Variants in CHSY3 observed in about 807,000 individuals in gnomAD.
CHSY3 encodes the protein N-acetylgalactosaminyl-proteoglycan 3-beta-glucuronosyltransferase 3.
In CHSY3, 35 loss-of-function variants were observed where a neutral mutation model predicts 67.2. The ratio of observed to expected loss-of-function variants is 0.52; its 90% CI spans 0.40 to 0.69. The LOEUF is 0.69. Among genes scored for constraint, CHSY3 ranks in the 30% least tolerant of loss-of-function variants. CHSY3 has a pLI of 0.00. For synonymous variants in CHSY3, 474 were observed against 434.7 expected (o/e 1.09, Z -1.12); for missense variants, 1,069 against 1,138.5 (o/e 0.94, Z 0.88).
chr5:129,972,443 T>C (rs1762669750), intron 2 of CHSY3, among the ~76,000 whole-genome samples: 1 of 152,092 alleles, frequency 6.6e-6, no homozygotes, highest in Non-Finnish European at 1.5e-5. Flanking sequence ...TATATGTATG[T>C]ATATGCTATA....
intron 2 of CHSY3, among the ~76,000 whole-genome samples, chr5:130,090,234 G>A (rs1766830566): frequency 6.6e-6 from 1 of 152,102 alleles, no homozygotes; most frequent in South Asian, 2.1e-4. Context: ...GAGGTAATGG[G>A]GCAGAAAAGG....
chr5:129,979,368 T>C (rs1231992169), intron 2 of CHSY3, among the ~76,000 whole-genome samples: 3 of 152,134 alleles, frequency 2.0e-5, no homozygotes, highest in African/African-American at 7.2e-5. Flanking sequence ...TTTTATTTAC[T>C]AAATATTCAC....
At chr5:130,090,909 A>G (rs955848141) in intron 2 of CHSY3, among the ~76,000 whole-genome samples, 1 of 152,174 alleles carries the variant, frequency 6.6e-6, no homozygotes. Context: ...GAAATAAGTG[A>G]AAGAATATGC....
chr5:130,035,293 A>G (rs1764832874), intron 2 of CHSY3, among the ~76,000 whole-genome samples: 2 of 152,102 alleles, frequency 1.3e-5, no homozygotes, highest in Admixed American at 6.6e-5. Context: ...TTTAGAACCC[A>G]TGGGATTTCC....
At chr5:130,025,092 A>G (rs892351110) in intron 2 of CHSY3, among the ~76,000 whole-genome samples, 4 of 151,248 alleles carry the variant, frequency 2.6e-5, no homozygotes, top group Admixed American at 6.6e-5. Context: ...TTTCTCCACT[A>G]TGTAAAACTT....
At chr5:130,166,928 C>T (rs755726714) in intron 2 of CHSY3, among the ~76,000 whole-genome samples, 2 of 152,054 alleles carry the variant, frequency 1.3e-5, no homozygotes, top group Non-Finnish European at 2.9e-5. Context: ...CAATGTAACA[C>T]AATGCTTCAT....
At chr5:130,027,597 A>G (rs1181186141) in intron 2 of CHSY3, among the ~76,000 whole-genome samples, 2 of 151,824 alleles carry the variant, frequency 1.3e-5, no homozygotes, top group Non-Finnish European at 2.9e-5. Flanking sequence ...CATTAGGTAT[A>G]TCTCCTAATG....
At chr5:130,008,704 A>G (rs1392334821) in intron 2 of CHSY3, among the ~76,000 whole-genome samples, 2 of 152,214 alleles carry the variant, frequency 1.3e-5, no homozygotes, top group African/African-American at 2.4e-5. Context: ...TTGAAACCCA[A>G]TCCCAGGAAT....
intron 2 of CHSY3, among the ~76,000 whole-genome samples, chr5:130,113,127 T>C (rs1767641575): frequency 6.6e-6 from 1 of 152,050 alleles, no homozygotes; most frequent in Non-Finnish European, 1.5e-5. Context: ...TGTGTGTATA[T>C]ATATTATATA....
intron 2 of CHSY3, among the ~76,000 whole-genome samples, chr5:129,936,515 C>A (rs763613850): frequency 8.5e-5 from 13 of 152,074 alleles, no homozygotes; most frequent in Non-Finnish European, 1.9e-4. Flanking sequence ...CTCCTTGCTG[C>A]TTCAGTGGTC....
chr5:130,035,033 T>C (rs1764826864), intron 2 of CHSY3, among the ~76,000 whole-genome samples: 1 of 152,046 alleles, frequency 6.6e-6, no homozygotes, highest in African/African-American at 2.4e-5. Context: ...TTCTTTTAAG[T>C]GATTTGAGGA....
At chr5:130,060,264 A>G (rs955037960) in intron 2 of CHSY3, among the ~76,000 whole-genome samples, 1 of 152,226 alleles carries the variant, frequency 6.6e-6, no homozygotes, top group Admixed American at 6.5e-5. Flanking sequence ...TTCAACATCC[A>G]CAAATCAATA....
chr5:130,133,384 T>A (rs1768544905), intron 2 of CHSY3, among the ~76,000 whole-genome samples: 1 of 152,170 alleles, frequency 6.6e-6, no homozygotes, highest in Non-Finnish European at 1.5e-5. Context: ...AATTTATACT[T>A]TTAGCTTTCA....
chr5:129,932,324 T>C (rs1426392927), intron 2 of CHSY3, among the ~76,000 whole-genome samples: 1 of 151,928 alleles, frequency 6.6e-6, no homozygotes, highest in Non-Finnish European at 1.5e-5. Flanking sequence ...GACCATCTTC[T>C]TCTTCTTCAG....
chr5:129,955,124 C>T (rs572161667), intron 2 of CHSY3, among the ~76,000 whole-genome samples: 2 of 152,238 alleles, frequency 1.3e-5, no homozygotes, highest in South Asian at 2.1e-4. Flanking sequence ...ACCTTGGCCT[C>T]CCAAAGTGTT....
chr5:130,169,379 A>G (rs1361932159), intron 2 of CHSY3, among the ~76,000 whole-genome samples: 2 of 152,136 alleles, frequency 1.3e-5, no homozygotes, highest in African/African-American at 2.4e-5. Flanking sequence ...ACACTGCACA[A>G]TGGCCCTCCT....
intron 2 of CHSY3, among the ~76,000 whole-genome samples, chr5:129,961,624 G>T (rs1762327558): frequency 6.6e-6 from 1 of 151,714 alleles, no homozygotes. Context: ...CCCCTTCTCT[G>T]ATCACACATT....
At chr5:129,931,082 G>C (rs553263359) in intron 2 of CHSY3, among the ~76,000 whole-genome samples, 1 of 151,674 alleles carries the variant, frequency 6.6e-6, no homozygotes, top group East Asian at 1.9e-4. Flanking sequence ...TTGTCATTTT[G>C]AATAATGCAC....
intron 2 of CHSY3, among the ~76,000 whole-genome samples, chr5:129,931,559 CTT>C (rs1407402675): frequency 6.6e-6 from 1 of 152,018 alleles, no homozygotes; most frequent in East Asian, 1.9e-4. Flanking sequence ...GAACAGAAAA[CTT>C]GGCCACAGTG....
Sources: allele counts gnomAD v4.1 joint callset (sites outside exome capture counted in the v4.1 genomes callset), GRCh38; gene constraint gnomAD v4.1.1; transcripts MANE v1.5; gene names NCBI Gene and HGNC (gene_info 2026-07-23, HGNC 2026-07-21).